Variants in STX7 observed in about 807,000 individuals in gnomAD.
STX7 encodes syntaxin 7.
In STX7, 34 loss-of-function variants were observed where a neutral mutation model predicts 39.6. That is an observed-to-expected ratio of 0.86 (90% CI 0.65 to 1.14). The LOEUF (loss-of-function observed/expected upper bound fraction) is 1.14. Ranked by LOEUF, STX7 falls within the 50% of genes most tolerant of loss-of-function variation. STX7 has a pLI of 0.00. For synonymous variants in STX7, 119 were observed against 99.1 expected (o/e 1.20, Z -1.19); for missense variants, 284 against 310.4 (o/e 0.92, Z 0.64).
At chr6:132,478,852 A>G (rs1423944397) in intron 2 of STX7, among the ~76,000 whole-genome samples, 2 of 152,214 alleles carry the variant, frequency 1.3e-5, no homozygotes, top group Admixed American at 6.5e-5. Flanking sequence ...ATGGGACATC[A>G]GCGAGCCTTC....
chr6:132,502,454 C>CA (rs966444458), intron 2 of STX7, among the ~76,000 whole-genome samples: 2 of 150,328 alleles, frequency 1.3e-5, no homozygotes, highest in Admixed American at 6.6e-5. Flanking sequence ...AATTTACAAA[C>CA]AAAAAAAAGT....
intron 2 of STX7, among the ~76,000 whole-genome samples, chr6:132,489,225 AGG>A (rs1775218270): frequency 1.0e-4 from 14 of 133,544 alleles, no homozygotes; most frequent in African/African-American, 3.7e-4. Flanking sequence ...AAAAAAAAAA[AGG>A]ATGATATATA....
chr6:132,447,283 G>A lies in STX7; in HGVS notation c.*13475C>T, dbSNP rs1774034769. ...AGTCAACAAAACTATTTCCAGAGAGGCTTGAAATAAAACAGTTGACTTTAT... is the reference window on the plus strand; with the variant it reads ...AGTCAACAAAACTATTTCCAGAGAGACTTGAAATAAAACAGTTGACTTTAT... On this transcript the variant is annotated 3_prime_UTR_variant, in exon 10 of 10. Transcript: ENST00000367941. 1 of 152,134 alleles carries A rather than the reference G, an allele frequency of 6.6e-6. No individual in the cohort carries two copies. The highest frequency in any genetic ancestry group is 2.4e-5 in the African/African-American group (1 of 41,414). 9.4% of individuals were successfully genotyped at this position (152,134 alleles called of 1,614,324 possible). A position where few individuals can be genotyped will look rare whatever the true frequency, so the allele number is the denominator to read the frequency against.
intron 7 of STX7, 56 bp downstream of exon 7, chr6:132,469,895 G>A: frequency 1.4e-6 from 2 of 1,425,326 alleles, no homozygotes; most frequent in Non-Finnish European, 1.9e-6. Context: ...TAAGCATCTT[G>A]AGAACAAACT....
chr6:132,464,091 C>A lies in STX7; in HGVS notation c.611-16G>T, dbSNP rs760171809. ...TCTATGCTATCTGTAAAATAAAACA[C>A]ACACACACAAATGTGTTAAACATGG... On this transcript the variant is annotated splice_polypyrimidine_tract_variant and intron_variant, in intron 8 of 9. Coordinates refer to ENST00000367941, the MANE Select transcript of STX7 (RefSeq NM_003569.3). The A allele has an allele frequency of 6.8e-6, 11 of 1,608,804 alleles. No individual in the cohort carries two copies. Among genetic ancestry groups the A allele is most frequent in the South Asian group, 4.4e-5 (4 of 90,958 alleles).
chr6:132,483,341 A>G (rs543254371), intron 2 of STX7, among the ~76,000 whole-genome samples: 3 of 152,166 alleles, frequency 2.0e-5, no homozygotes, highest in African/African-American at 7.2e-5. Flanking sequence ...TATTTTTAAA[A>G]TTTTTCTGAA....
chr6:132,453,026 A>G lies in STX7; in HGVS notation c.*7732T>C, dbSNP rs1357949915. 6.6e-6 allele frequency: 1 copy of G among 152,140 alleles called. No homozygotes were observed. Among genetic ancestry groups the G allele is most frequent in the African/African-American group, 2.4e-5 (1 of 41,452 alleles). 9.4% of individuals were successfully genotyped at this position (152,140 alleles called of 1,614,324 possible). A position where few individuals can be genotyped will look rare whatever the true frequency, so the allele number is the denominator to read the frequency against. ...GGTGGAGGTATAGACACATAGTCTA[A>G]TGGAAAAGAATAGAAAACCCAGATA... On this transcript the variant is annotated 3_prime_UTR_variant, in exon 10 of 10. Coordinates refer to ENST00000367941, the MANE Select transcript of STX7 (RefSeq NM_003569.3).
intron 9 of STX7, among the ~76,000 whole-genome samples, chr6:132,462,618 TGTG>T (rs1774441083): frequency 1.3e-5 from 2 of 151,634 alleles, no homozygotes; most frequent in African/African-American, 2.4e-5. Flanking sequence ...TGTGTGTGTG[TGTG>T]TTTTCAATTA....
intron 9 of STX7, among the ~76,000 whole-genome samples, chr6:132,462,797 T>C (rs1426068492): frequency 6.6e-6 from 1 of 152,190 alleles, no homozygotes; most frequent in Non-Finnish European, 1.5e-5. Flanking sequence ...TATTTACTTA[T>C]CACTGAATAT....
rs2114329935 is a variant in STX7 at position 132,455,805 on chromosome 6, G to A, written c.*4953C>T. ...ACAAAAACAAAGAATTAAAATTGGT[G>A]TATTGATATGGTATTTGAATAATGA... On this transcript the variant is annotated 3_prime_UTR_variant, in exon 10 of 10. Transcript: ENST00000367941. 1 of 152,270 alleles carries A rather than the reference G, an allele frequency of 6.6e-6. No individual in the cohort carries two copies. The highest frequency in any genetic ancestry group is 1.5e-5 in the Non-Finnish European group (1 of 67,998). 9.4% of individuals were successfully genotyped at this position (152,270 alleles called of 1,614,324 possible).
chr6:132,456,930 G>C lies in STX7; in HGVS notation c.*3828C>G, dbSNP rs1411044222. ...TCCTCAGAGGCCACTGCAGACAGAA[G>C]TGTAGGCGGGCAGAGGACATGAGTT... is the stretch of plus-strand genomic sequence containing the variant. On this transcript the variant is annotated 3_prime_UTR_variant, in exon 10 of 10. Transcript: ENST00000367941. 1.3e-5 allele frequency: 2 copies of C among 152,320 alleles called. No homozygotes were observed. Among genetic ancestry groups the C allele is most frequent in the Non-Finnish European group, 2.9e-5 (2 of 68,098 alleles). The allele number at this position is 152,320 out of a possible 1,614,324, so 9.4% of individuals were successfully genotyped here.
intron 1 of STX7, among the ~76,000 whole-genome samples, chr6:132,504,439 A>C (rs1341374405): frequency 6.6e-6 from 1 of 152,142 alleles, no homozygotes; most frequent in African/African-American, 2.4e-5. Flanking sequence ...ACACCACTCC[A>C]ATCAGGGTTT....
chr6:132,492,573 C>G (rs977583499), intron 2 of STX7, among the ~76,000 whole-genome samples: 2 of 152,108 alleles, frequency 1.3e-5, no homozygotes, highest in African/African-American at 4.8e-5. Flanking sequence ...ACAAGTAACA[C>G]CCTGGTACAA....
chr6:132,459,989 C>G lies in STX7; in HGVS notation c.*769G>C, dbSNP rs751513639. On this transcript the variant is annotated 3_prime_UTR_variant, in exon 10 of 10. Coordinates refer to ENST00000367941, the MANE Select transcript of STX7 (RefSeq NM_003569.3). ...AATAACAAACTGGGGTCTTAAGAAT[C>G]CAAACGCAATAGGTATTGGTATTGG... 3 of 152,098 alleles carry G rather than the reference C, an allele frequency of 2.0e-5. No homozygotes were observed. The highest frequency in any genetic ancestry group is 4.4e-5 in the Non-Finnish European group (3 of 68,010). 9.4% of individuals were successfully genotyped at this position (152,098 alleles called of 1,614,324 possible).
chr6:132,512,119 A>C (rs1052848966), intron 1 of STX7, among the ~76,000 whole-genome samples: 1 of 146,528 alleles, frequency 6.8e-6, no homozygotes, highest in African/African-American at 2.8e-5. Flanking sequence ...GAACCTGCAG[A>C]AGAAATGTCC....
chr6:132,509,568 A>G (rs2114490515), intron 1 of STX7, among the ~76,000 whole-genome samples: 1 of 152,276 alleles, frequency 6.6e-6, no homozygotes, highest in East Asian at 1.9e-4. Context: ...TGCATGCCCC[A>G]TATGAAGTTT....
At chr6:132,474,399 T>C (rs1254099910) in intron 3 of STX7, among the ~76,000 whole-genome samples, 1 of 152,166 alleles carries the variant, frequency 6.6e-6, no homozygotes, top group Non-Finnish European at 1.5e-5. Flanking sequence ...ATTTTTACCA[T>C]TCTGACACTT....
chr6:132,486,142 T>C (rs185496622), intron 2 of STX7, among the ~76,000 whole-genome samples: 57 of 152,358 alleles, frequency 3.7e-4, no homozygotes, highest in African/African-American at 1.2e-3. Flanking sequence ...TAGACATTTA[T>C]GTCTGTGAAT....
At chr6:132,497,362 A>T (rs1432286636) in intron 2 of STX7, among the ~76,000 whole-genome samples, 3 of 152,232 alleles carry the variant, frequency 2.0e-5, no homozygotes, top group Non-Finnish European at 4.4e-5. Context: ...AAGGAAAATT[A>T]ATCAATGATG....
Sources: allele counts gnomAD v4.1 joint callset (sites outside exome capture counted in the v4.1 genomes callset), GRCh38; gene constraint gnomAD v4.1.1; transcripts MANE v1.5; gene names NCBI Gene and HGNC (gene_info 2026-07-23, HGNC 2026-07-21).